The following ESR1 variants were observed in gnomAD, a reference collection of about 807,000 sequenced individuals.
ESR1 encodes estrogen receptor.
Under a neutral mutation model 52.7 loss-of-function variants are expected in ESR1, and 12 were observed. The ratio of observed to expected loss-of-function variants is 0.23; its 90% CI spans 0.15 to 0.37. ESR1 has a LOEUF of 0.37. Ranked by LOEUF, ESR1 falls within the 10% of genes least tolerant of loss-of-function variation. The pLI, the probability that ESR1 is intolerant of heterozygous loss-of-function variation, is 1.00. For synonymous variants in ESR1, 305 were observed against 316.8 expected (o/e 0.96, Z 0.39); for missense variants, 584 against 779.7 (o/e 0.75, Z 2.99).
At chr6:151,808,407 G>T (rs1426460064) in intron 1 of ESR1, 43 bp downstream of exon 1, 2 of 1,257,392 alleles carry the variant, frequency 1.6e-6, no homozygotes, top group Non-Finnish European at 1.1e-6. Flanking sequence ...CGCCGCGCCC[G>T]GCAGGAGGGA....
intron 5 of ESR1, among the ~76,000 whole-genome samples, chr6:152,031,043 G>C (rs1403881824): frequency 1.3e-5 from 2 of 152,104 alleles, no homozygotes; most frequent in African/African-American, 4.8e-5. Context: ...TGACTACTGG[G>C]TACATAACGA....
At chr6:151,817,236 A>G (rs1228170176) in intron 1 of ESR1, among the ~76,000 whole-genome samples, 1 of 152,236 alleles carries the variant, frequency 6.6e-6, no homozygotes, top group East Asian at 1.9e-4. Flanking sequence ...CAGTTCTGAC[A>G]ATTGCTCTGG....
chr6:151,738,421 A>T (rs1336095719), intron 2 of ESR1, among the ~76,000 whole-genome samples: 1 of 152,134 alleles, frequency 6.6e-6, no homozygotes, highest in African/African-American at 2.4e-5. Context: ...CTATTTTTAA[A>T]TTTCTCGGAA....
At chr6:151,725,836 T>C (rs1244165111) in intron 2 of ESR1, among the ~76,000 whole-genome samples, 4 of 152,212 alleles carry the variant, frequency 2.6e-5, no homozygotes, top group Non-Finnish European at 5.9e-5. Flanking sequence ...CAAATATTTA[T>C]AGATGGTCAA....
At chr6:151,803,357 A>G (rs1334396629), upstream of ESR1, among the ~76,000 whole-genome samples, 1 of 152,248 alleles carries the variant, frequency 6.6e-6, no homozygotes, top group African/African-American at 2.4e-5. Flanking sequence ...GGCTGGACCT[A>G]TTACAAGAGG....
At chr6:151,846,115 C>G (rs572327321) in intron 2 of ESR1, among the ~76,000 whole-genome samples, 1 of 152,148 alleles carries the variant, frequency 6.6e-6, no homozygotes, top group African/African-American at 2.4e-5. Flanking sequence ...GTCAAGGGAG[C>G]ATGGTGAAGA....
At chr6:152,032,720 G>A (rs2044839613) in intron 5 of ESR1, among the ~76,000 whole-genome samples, 1 of 152,142 alleles carries the variant, frequency 6.6e-6, no homozygotes, top group African/African-American at 2.4e-5. Context: ...ACTGCCCAAG[G>A]TAATTTATAG....
chr6:151,801,207 G>C (rs972567626), upstream of ESR1, among the ~76,000 whole-genome samples: 3 of 152,076 alleles, frequency 2.0e-5, no homozygotes, highest in African/African-American at 7.2e-5. Context: ...GTAAACAACA[G>C]ATAAAGGGAA....
chr6:152,084,562 A>C (rs1227314116), intron 6 of ESR1, among the ~76,000 whole-genome samples: 1 of 152,194 alleles, frequency 6.6e-6, no homozygotes, highest in Admixed American at 6.5e-5. Flanking sequence ...CTTTATCAGC[A>C]GCGTGAAAAT....
intron 1 of ESR1, among the ~76,000 whole-genome samples, chr6:151,815,132 T>A (rs1214491100): frequency 6.6e-6 from 1 of 152,222 alleles, no homozygotes; most frequent in Non-Finnish European, 1.5e-5. Context: ...AGAAACATAG[T>A]TGATTTTAAA....
chr6:151,757,691 T>G (rs1784390439), intron 2 of ESR1, among the ~76,000 whole-genome samples: 1 of 152,216 alleles, frequency 6.6e-6, no homozygotes, highest in South Asian at 2.1e-4. Flanking sequence ...TTGTTTGTGC[T>G]TTTGCAAATG....
At chr6:152,076,376 A>G (rs1328916965) in intron 6 of ESR1, among the ~76,000 whole-genome samples, 1 of 152,178 alleles carries the variant, frequency 6.6e-6, no homozygotes, top group Non-Finnish European at 1.5e-5. Context: ...GCCATGTGGA[A>G]CTGTAAATCC....
intron 1 of ESR1, among the ~76,000 whole-genome samples, chr6:151,668,123 C>A (rs888325193): frequency 2.0e-5 from 3 of 152,104 alleles, no homozygotes; most frequent in Admixed American, 6.6e-5. Context: ...ATTTATTTCT[C>A]GTGGTTCTGG....
intron 5 of ESR1, among the ~76,000 whole-genome samples, chr6:152,017,947 A>G (rs2043287952): frequency 6.6e-6 from 1 of 152,084 alleles, no homozygotes. Context: ...GAAAAAAACT[A>G]TTCATCCATT....
intron 4 of ESR1, among the ~76,000 whole-genome samples, chr6:151,985,177 G>C (rs9383602): frequency 0.093 from 14,136 of 152,000 alleles, 1,401 homozygotes; most frequent in African/African-American, 0.24. Context: ...AGATGGCTGT[G>C]CTGCTGGACT....
chr6:152,094,181 G>A lies in ESR1; in HGVS notation c.1370-204G>A, dbSNP rs2050428671. Among the ~76,000 whole-genome samples the A allele has an allele frequency of 6.6e-6, 1 of 152,132 alleles. No homozygotes were observed. Among genetic ancestry groups the A allele is most frequent in the African/African-American group, 2.4e-5 (1 of 41,426 alleles). On this transcript the variant is annotated intron_variant, in intron 6 of 7. Transcript: ENST00000206249. This position sits in a 1 kb window ranked among gnomAD's most constrained non-coding sequence, Gnocchi z 4.6. ...TGGCTCATACAAAGGAGCCCTCCTT[G>A]GTTTGCTGGTGCTCTGAGACTTGCA... is the stretch of plus-strand genomic sequence containing the variant.
intron 5 of ESR1, among the ~76,000 whole-genome samples, chr6:152,041,894 G>C (rs1354659946): frequency 6.6e-6 from 1 of 152,242 alleles, no homozygotes; most frequent in Non-Finnish European, 1.5e-5. Context: ...GGTACCAGGA[G>C]ATGTGTTAAT....
At chr6:151,886,476 A>G (rs948613254) in intron 3 of ESR1, among the ~76,000 whole-genome samples, 1 of 152,212 alleles carries the variant, frequency 6.6e-6, no homozygotes, top group African/African-American at 2.4e-5. Flanking sequence ...ATTTTTAGAA[A>G]TATTCCAAAA....
intron 2 of ESR1, among the ~76,000 whole-genome samples, chr6:151,856,999 A>T (rs1362573127): frequency 1.3e-5 from 2 of 152,198 alleles, no homozygotes; most frequent in African/African-American, 2.4e-5. Flanking sequence ...TTTGTTTCTG[A>T]ATATAAGGCA....
Sources: gnomAD v4.1 joint callset for allele counts (sites outside exome capture counted in the v4.1 genomes callset) on GRCh38, gnomAD v4.1.1 for gene constraint, Gnocchi (gnomAD v3.1) non-coding constraint, MANE v1.5 for transcripts, NCBI Gene and HGNC (gene_info 2026-07-23, HGNC 2026-07-21) for gene names.